The following LIMS1 variants were observed in gnomAD, a reference collection of about 807,000 sequenced individuals.
LIMS1 encodes the protein LIM and senescent cell antigen-like-containing domain protein 1.
Under a neutral mutation model 44.1 loss-of-function variants are expected in LIMS1, and 18 were observed. The observed-to-expected ratio is 0.41, with a 90% CI of 0.28 to 0.61. The LOEUF (loss-of-function observed/expected upper bound fraction) is 0.61, where lower values mean the gene tolerates loss of function less well. Ranked by LOEUF, LIMS1 falls within the 20% of genes least tolerant of loss-of-function variation. The probability of loss-of-function intolerance (pLI) is 0.32; values close to 1 mark genes in which losing one functional copy is unlikely to be tolerated. For missense variants in LIMS1, 201 were observed against 422.0 expected, an observed-to-expected ratio of 0.48 and a Z score of 4.59; for synonymous variants, 93 against 149.1, an observed-to-expected ratio of 0.62 and a Z score of 2.74.
chr2:108,592,509 G>C (rs1015086943), intron 1 of LIMS1, among the ~76,000 whole-genome samples: 3 of 152,068 alleles, frequency 2.0e-5, no homozygotes, highest in Non-Finnish European at 2.9e-5. Flanking sequence ...TCCCTTATAG[G>C]GCTTTAAAAT....
At chr2:108,641,030 T>G (rs1689635877) in intron 1 of LIMS1, among the ~76,000 whole-genome samples, 1 of 152,232 alleles carries the variant, frequency 6.6e-6, no homozygotes, top group Admixed American at 6.5e-5. Flanking sequence ...TGAGAACATC[T>G]GGCATGTGTC....
At chr2:108,671,062 T>C in intron 3 of LIMS1, 1 of 551,544 alleles carries the variant, frequency 1.8e-6, no homozygotes, top group Non-Finnish European at 3.2e-6. Flanking sequence ...TCCCAGTTAT[T>C]CAAGAGGCTG....
intron 2 of LIMS1, among the ~76,000 whole-genome samples, chr2:108,669,405 GAAAA>G (rs111827506): frequency 6.9e-6 from 1 of 145,386 alleles, no homozygotes; most frequent in Non-Finnish European, 1.5e-5. Context: ...GAGACTCTGG[GAAAA>G]AAAAAAAAGT....
At chr2:108,631,024 T>G (rs1390713865) in intron 1 of LIMS1, among the ~76,000 whole-genome samples, 1 of 152,212 alleles carries the variant, frequency 6.6e-6, no homozygotes, top group African/African-American at 2.4e-5. Context: ...TTGTTTGATT[T>G]TTCAGACAAT....
At chr2:108,624,823 A>T (rs796705404) in intron 1 of LIMS1, among the ~76,000 whole-genome samples, 14 of 152,234 alleles carry the variant, frequency 9.2e-5, no homozygotes, top group African/African-American at 3.4e-4. Flanking sequence ...TCACGCCTAT[A>T]ATCCCAGCAC....
At chr2:108,607,832 G>A (rs1219028406) in intron 1 of LIMS1, among the ~76,000 whole-genome samples, 1 of 152,056 alleles carries the variant, frequency 6.6e-6, no homozygotes, top group African/African-American at 2.4e-5. Flanking sequence ...TTTCACTGTG[G>A]GTAACATTCA....
chr2:108,534,410 C>A (rs375814245), exon 1 of LIMS1: 504 of 409,206 alleles, frequency 1.2e-3, no homozygotes, highest in African/African-American at 1.8e-3. Context: ...CTTCCCCCCC[C>A]TCCCGCGCCC....
intron 1 of LIMS1, among the ~76,000 whole-genome samples, chr2:108,643,231 C>T (rs566499801): frequency 2.6e-5 from 4 of 152,276 alleles, no homozygotes; most frequent in Non-Finnish European, 2.9e-5. Flanking sequence ...GGAACAGCTC[C>T]GGTCTGCAGC....
chr2:108,559,346 A>G (rs533451958), intron 1 of LIMS1, among the ~76,000 whole-genome samples: 8 of 152,344 alleles, frequency 5.3e-5, no homozygotes, highest in Admixed American at 2.0e-4. Flanking sequence ...GTGTTGTTCT[A>G]GAGTGATTTG....
chr2:108,639,132 A>G (rs950783159), intron 1 of LIMS1, among the ~76,000 whole-genome samples: 2 of 152,144 alleles, frequency 1.3e-5, no homozygotes, highest in Admixed American at 1.3e-4. Context: ...CATTATATCC[A>G]ATGAAAATCT....
chr2:108,556,489 C>G (rs574794426), intron 1 of LIMS1, among the ~76,000 whole-genome samples: 19 of 152,176 alleles, frequency 1.2e-4, no homozygotes, highest in Admixed American at 3.3e-4. Flanking sequence ...AGTGGAGTTG[C>G]TGGATCATAT....
intron 1 of LIMS1, among the ~76,000 whole-genome samples, chr2:108,579,112 TTAAC>T (rs1685789898): frequency 6.6e-6 from 1 of 152,234 alleles, no homozygotes; most frequent in Non-Finnish European, 1.5e-5. Context: ...TTTGACTGGT[TTAAC>T]TAACATTCAT....
In LIMS1 at chr2:108,633,838, A is replaced by G. The variant is rs139249774; in HGVS notation, c.33-25767A>G. On this transcript the variant is annotated intron_variant, in intron 1 of 9. Coordinates refer to ENST00000544547, the Ensembl canonical transcript of LIMS1. Reference sequence around the variant, plus strand: ...TTATTTTATATTATTTAAGTAATTAAATGATAAGAAATTTACACACAGGTG... The same window carrying G: ...TTATTTTATATTATTTAAGTAATTAGATGATAAGAAATTTACACACAGGTG... 4.8e-3 allele frequency among the ~76,000 whole-genome samples: 724 copies of G among 152,278 alleles called. 7 individuals are homozygous for G. Among genetic ancestry groups the G allele is most frequent in the Middle Eastern group, 0.017 (5 of 294 alleles).
At chr2:108,621,711 A>G (rs1688253857) in intron 1 of LIMS1, among the ~76,000 whole-genome samples, 1 of 152,176 alleles carries the variant, frequency 6.6e-6, no homozygotes, top group South Asian at 2.1e-4. Flanking sequence ...CAGTGTTGTT[A>G]TGTCTTTAAA....
chr2:108,659,717 G>C lies in LIMS1; in HGVS notation c.145G>C (p.Val49Leu), dbSNP rs142223067. The C allele has an allele frequency of 2.5e-4, 399 of 1,612,234 alleles. No individual in the cohort carries two copies. The Middle Eastern group carries it at 2.5e-3, about 10-fold the overall frequency. ...GGAGCTGTACCATGAGCAGTGTTTC[G>C]TGTGCGCTCAGTGCTTCCAGCAGTT... Residue 49 changes from valine to leucine, a missense_variant, in exon 2 of 10, where the codon GTG becomes CTG. Transcript: ENST00000544547.
chr2:108,634,452 T>A (rs563533553), intron 1 of LIMS1, among the ~76,000 whole-genome samples: 2 of 152,336 alleles, frequency 1.3e-5, no homozygotes, highest in South Asian at 2.1e-4. Flanking sequence ...TTTAGGTTTT[T>A]CTCAATCCCC....
At chr2:108,677,118 T>C (rs1459253601) in intron 7 of LIMS1, among the ~76,000 whole-genome samples, 1 of 152,246 alleles carries the variant, frequency 6.6e-6, no homozygotes, top group Non-Finnish European at 1.5e-5. Context: ...TCCAGTTTTG[T>C]CACTTGAGTC....
chr2:108,577,732 C>T (rs2104646908), intron 1 of LIMS1, among the ~76,000 whole-genome samples: 1 of 152,244 alleles, frequency 6.6e-6, no homozygotes, highest in East Asian at 1.9e-4. Flanking sequence ...AAAAAAGGTG[C>T]TTCAGATGTT....
At chr2:108,619,813 A>G (rs190032365) in intron 1 of LIMS1, among the ~76,000 whole-genome samples, 97 of 152,292 alleles carry the variant, frequency 6.4e-4, no homozygotes, top group African/African-American at 2.3e-3. Flanking sequence ...TTGAGTGGCA[A>G]TATATTCAAA....
Sources: gnomAD v4.1 joint callset for allele counts (sites outside exome capture counted in the v4.1 genomes callset) on GRCh38, gnomAD v4.1.1 for gene constraint, MANE v1.5 for transcripts, NCBI Gene and HGNC (gene_info 2026-07-23, HGNC 2026-07-21) for gene names.